The following DMRT1 variants were observed in gnomAD, a reference collection of about 807,000 sequenced individuals.
DMRT1 encodes the protein doublesex- and mab-3-related transcription factor 1.
DMRT1 carries 7 observed loss-of-function variants against 32.3 expected under a neutral mutation model. That is an observed-to-expected ratio of 0.22 (90% CI 0.12 to 0.41). The LOEUF is 0.41. Ranked by LOEUF, DMRT1 falls within the 10% of genes least tolerant of loss-of-function variation. DMRT1 has a pLI of 1.00. For missense variants in DMRT1, 625 were observed against 500.5 expected (o/e 1.25, Z -2.37); for synonymous variants, 278 against 206.1 (o/e 1.35, Z -2.99).
At chr9:958,158 A>G (rs1257088214) in intron 4 of DMRT1, among the ~76,000 whole-genome samples, 1 of 152,206 alleles carries the variant, frequency 6.6e-6, no homozygotes, top group East Asian at 1.9e-4. Context: ...TGTTCACCCT[A>G]AATAGTATTA....
At chr9:900,213 G>GA (rs1186973326) in intron 3 of DMRT1, among the ~76,000 whole-genome samples, 3 of 151,698 alleles carry the variant, frequency 2.0e-5, no homozygotes, top group Admixed American at 1.3e-4. Context: ...TTGAAGCACA[G>GA]AAAAAAGTGC....
chr9:957,768 G>A (rs1375127741), intron 4 of DMRT1, among the ~76,000 whole-genome samples: 1 of 152,172 alleles, frequency 6.6e-6, no homozygotes, highest in African/African-American at 2.4e-5. Flanking sequence ...CCAGCACTTT[G>A]GGAGGCTGAG....
At chr9:949,602 C>A (rs926871783) in intron 4 of DMRT1, among the ~76,000 whole-genome samples, 2 of 152,304 alleles carry the variant, frequency 1.3e-5, no homozygotes, top group Non-Finnish European at 2.9e-5. Flanking sequence ...GACCTACCCT[C>A]TTAGCAAGTT....
At chr9:926,795 G>A (rs971998160) in intron 4 of DMRT1, among the ~76,000 whole-genome samples, 2 of 152,142 alleles carry the variant, frequency 1.3e-5, no homozygotes, top group African/African-American at 4.8e-5. Context: ...AGAAAACATT[G>A]CCTGTCTGTT....
intron 4 of DMRT1, among the ~76,000 whole-genome samples, chr9:929,948 C>G (rs1564258268): frequency 1.3e-5 from 2 of 152,282 alleles, no homozygotes; most frequent in East Asian, 3.9e-4. Flanking sequence ...GGACACCTCC[C>G]TTCCCTTCCT....
At chr9:885,558 C>G (rs1182734062) in intron 2 of DMRT1, among the ~76,000 whole-genome samples, 3 of 152,342 alleles carry the variant, frequency 2.0e-5, no homozygotes, top group South Asian at 2.1e-4. Flanking sequence ...TCAGTCTGCT[C>G]TCGACGTTGA....
intron 3 of DMRT1, among the ~76,000 whole-genome samples, chr9:907,291 C>T (rs1586600265): frequency 6.6e-6 from 1 of 152,164 alleles, no homozygotes; most frequent in East Asian, 1.9e-4. Flanking sequence ...GTAAATGGTA[C>T]TTGCATTTAT....
At chr9:896,031 T>C (rs1320280197) in intron 3 of DMRT1, among the ~76,000 whole-genome samples, 1 of 151,818 alleles carries the variant, frequency 6.6e-6, no homozygotes, top group Non-Finnish European at 1.5e-5. Flanking sequence ...TCTGTATCTC[T>C]TGCCCTTGTG....
intron 4 of DMRT1, among the ~76,000 whole-genome samples, chr9:917,270 C>A (rs915551353): frequency 1.1e-4 from 16 of 152,134 alleles, no homozygotes; most frequent in Non-Finnish European, 2.1e-4. Context: ...TTGAAAACTC[C>A]TTTCCCAAAG....
intron 2 of DMRT1, among the ~76,000 whole-genome samples, chr9:893,259 C>T (rs1473141929): frequency 6.6e-6 from 1 of 152,170 alleles, no homozygotes; most frequent in Non-Finnish European, 1.5e-5. Flanking sequence ...AATGTCTGTG[C>T]CAGAGGTTGG....
chr9:842,302 T>A, intron 1 of DMRT1, 110 bp downstream of exon 1: 1 of 1,373,808 alleles, frequency 7.3e-7, no homozygotes, highest in Non-Finnish European at 9.7e-7. Flanking sequence ...TGGCGCGATC[T>A]TGGCTCACTG....
Position 937,379 on chromosome 9 carries a change from G to A in DMRT1, c.967+20472G>A, listed in dbSNP as rs562081099. 1.2e-3 allele frequency among the ~76,000 whole-genome samples: 177 copies of A among 152,108 alleles called. 1 individual carries two copies. The highest frequency in any genetic ancestry group is 1.9e-3 in the Non-Finnish European group (130 of 67,910). On this transcript the variant is annotated intron_variant, in intron 4 of 4. Transcript: ENST00000382276. ...ATATATCTAGAAGTAGAATTGCTGC[G>A]TTAAATGGTAATTTTATGGTTAAGT...
At chr9:966,842 A>T (rs933554113) in intron 4 of DMRT1, among the ~76,000 whole-genome samples, 1 of 152,232 alleles carries the variant, frequency 6.6e-6, no homozygotes, top group African/African-American at 2.4e-5. Context: ...AGCTTCTACT[A>T]TGATTTAGTT....
intron 2 of DMRT1, among the ~76,000 whole-genome samples, chr9:864,993 T>A (rs1417493189): frequency 6.6e-6 from 1 of 152,206 alleles, no homozygotes; most frequent in Non-Finnish European, 1.5e-5. Context: ...TCACATATTC[T>A]GGTTTCTAGA....
At chr9:961,223 A>G (rs183925351) in intron 4 of DMRT1, among the ~76,000 whole-genome samples, 2 of 152,264 alleles carry the variant, frequency 1.3e-5, no homozygotes, top group Admixed American at 1.3e-4. Flanking sequence ...TTTAGTAACA[A>G]CATCCTGCAG....
chr9:962,054 A>C (rs536560946), intron 4 of DMRT1, among the ~76,000 whole-genome samples: 1 of 152,208 alleles, frequency 6.6e-6, no homozygotes, highest in Non-Finnish European at 1.5e-5. Context: ...TGTTGTTACT[A>C]AAGGGAATTA....
intron 2 of DMRT1, among the ~76,000 whole-genome samples, chr9:857,654 T>G (rs932716449): frequency 1.1e-4 from 17 of 152,152 alleles, no homozygotes; most frequent in African/African-American, 2.2e-4. Flanking sequence ...ACTTTAAGTT[T>G]TAGGGTACAT....
chr9:864,499 CTTTTTTTTT>C (rs57418212), intron 2 of DMRT1, among the ~76,000 whole-genome samples: 2 of 108,890 alleles, frequency 1.8e-5, no homozygotes, highest in African/African-American at 7.4e-5. Context: ...AGCCAGTACT[CTTTTTTTTT>C]TTTTTTTTGA....
chr9:850,604 T>C (rs1478374998), intron 2 of DMRT1, among the ~76,000 whole-genome samples: 1 of 152,224 alleles, frequency 6.6e-6, no homozygotes, highest in African/African-American at 2.4e-5. Flanking sequence ...TGTCTGTTTA[T>C]CCTTTTCATA....
Sources: gnomAD v4.1 joint callset for allele counts (sites outside exome capture counted in the v4.1 genomes callset) on GRCh38, gnomAD v4.1.1 for gene constraint, MANE v1.5 for transcripts, NCBI Gene and HGNC (gene_info 2026-07-23, HGNC 2026-07-21) for gene names.